Variants in STRN observed in about 807,000 individuals in gnomAD.
STRN encodes the protein striatin, also known as protein phosphatase 2 regulatory subunit B'''alpha.
In STRN, 53 loss-of-function variants were observed where a neutral mutation model predicts 96.3. That is an observed-to-expected ratio of 0.55 (90% confidence interval 0.44 to 0.69). STRN has a LOEUF of 0.69. Among genes scored for constraint, STRN ranks in the 30% least tolerant of loss-of-function variants. The pLI is 0.00. For synonymous variants in STRN, 428 were observed against 355.9 expected, an observed-to-expected ratio of 1.20 and a Z score of -2.28; for missense variants, 987 against 963.9, an observed-to-expected ratio of 1.02 and a Z score of -0.32.
In STRN at chr2:36,867,983, G is replaced by A. The variant is rs73924923; in HGVS notation, c.1500-122C>T. The A allele has an allele frequency of 1.6e-3, 942 of 589,282 alleles. 7 individuals are homozygous for A. In the African/African-American group the frequency reaches 0.017, roughly 10 times the overall value. The allele number at this position is 589,282 out of a possible 1,614,324, so 36.5% of individuals were successfully genotyped here. A position where few individuals can be genotyped will look rare whatever the true frequency, so the allele number is the denominator to read the frequency against. On this transcript the variant is annotated intron_variant, in intron 11 of 17. Transcript: ENST00000263918. Reference sequence around the variant, plus strand: ...GGGAATATACCATTCTCAACTACACGATACGTAAGAAAGCTTACTTAACAC... The same window carrying A: ...GGGAATATACCATTCTCAACTACACAATACGTAAGAAAGCTTACTTAACAC...
intron 1 of STRN, among the ~76,000 whole-genome samples, chr2:36,944,159 T>C (rs1670920149): frequency 6.6e-6 from 1 of 152,098 alleles, no homozygotes; most frequent in Non-Finnish European, 1.5e-5. Flanking sequence ...AAAACATATA[T>C]ATACACACTA....
chr2:36,937,600 T>G (rs11686605), intron 1 of STRN, among the ~76,000 whole-genome samples: 4,516 of 151,398 alleles, frequency 0.03, 104 homozygotes, highest in East Asian at 0.13. Context: ...CTTGAGCCAG[T>G]GAGGTTGAGG....
Position 36,846,414 on chromosome 2 carries a change from T to C in STRN, c.*3042A>G, listed in dbSNP as rs1260412114. The stretch of plus-strand genomic sequence containing the variant: ...ATATATATATATATATATATATATA[T>C]ATATATATATATATAGTTTATATAT... On this transcript the variant is annotated 3_prime_UTR_variant, in exon 18 of 18. Coordinates refer to ENST00000263918, the MANE Select transcript of STRN (RefSeq NM_003162.4). The C allele has an allele frequency of 7.8e-6, 1 of 128,030 alleles. No homozygotes were observed. Among genetic ancestry groups the C allele is most frequent in the African/African-American group, 2.9e-5 (1 of 34,516 alleles). The allele number at this position is 128,030 out of a possible 1,614,324, so 7.9% of individuals were successfully genotyped here. A position where few individuals can be genotyped will look rare whatever the true frequency, so the allele number is the denominator to read the frequency against.
rs537757935 is a variant in STRN, at chr2:36,950,248, C to T, written c.234+15982G>A. Among the ~76,000 whole-genome samples the T allele has an allele frequency of 6.0e-5, 8 of 133,770 alleles. No individual in the cohort carries two copies. In the South Asian group the frequency reaches 1.0e-3, roughly 17 times the overall value. 87.8% of individuals were successfully genotyped at this position (133,770 alleles called of 152,430 possible). On this transcript the variant is annotated intron_variant, in intron 1 of 17. Coordinates refer to ENST00000263918, the MANE Select transcript of STRN (RefSeq NM_003162.4). ...TTTTTTTTTTTGAGACTGAGTCTCA[C>T]TCTATCACCCAGACTGGAGTGCAGT...
At chr2:36,959,786 A>C (rs1664983862) in intron 1 of STRN, among the ~76,000 whole-genome samples, 2 of 152,204 alleles carry the variant, frequency 1.3e-5, no homozygotes, top group African/African-American at 4.8e-5. Flanking sequence ...GAAAAAAACA[A>C]CTAAAGCAGT....
Position 36,879,184 on chromosome 2 carries a change from C to T in STRN, c.1187-1157G>A, listed in dbSNP as rs374552990. On this transcript the variant is annotated intron_variant, in intron 9 of 17. Coordinates refer to ENST00000263918, the MANE Select transcript of STRN (RefSeq NM_003162.4). Reference sequence around the variant, plus strand: ...CTCCTGGGTTCAAGCAATTCTCCTGCCTCAGCCTCCCAAGTAGCTGGGATT... The same window carrying T: ...CTCCTGGGTTCAAGCAATTCTCCTGTCTCAGCCTCCCAAGTAGCTGGGATT... Among the ~76,000 whole-genome samples, 142 of 152,168 alleles carry T rather than the reference C, an allele frequency of 9.3e-4. 2 individuals carry two copies. In the East Asian group the frequency reaches 0.023, roughly 24 times the overall value.
intron 10 of STRN, among the ~76,000 whole-genome samples, chr2:36,871,321 C>G (rs971127887): frequency 4.5e-4 from 68 of 152,168 alleles, no homozygotes; most frequent in African/African-American, 1.6e-3. Context: ...GATAAGTGTC[C>G]TATACAGGTG....
rs1172745436 is a variant in STRN, at chr2:36,894,022, T to C, written c.807A>G (p.Lys269=). The C allele has an allele frequency of 1.2e-6, 2 of 1,611,598 alleles. No homozygotes were observed. Among genetic ancestry groups the C allele is most frequent in the Admixed American group, 1.7e-5 (1 of 59,466 alleles). The change falls in exon 7 of 18, where the codon AAA becomes AAG. Residue 269 remains lysine, a synonymous_variant. Coordinates refer to ENST00000263918, the MANE Select transcript of STRN (RefSeq NM_003162.4). ...SVIDTSTIVR[K]KALPDSGEDR... ...CTTCACCGCTGTCAGGCAATGCTTT[T>C]TTCCTAACAATCTAATGAAAAAACA...
intron 4 of STRN, chr2:36,903,030 G>A: frequency 5.1e-6 from 1 of 197,424 alleles, no homozygotes; most frequent in Non-Finnish European, 1.0e-5. Flanking sequence ...ATATCTAATA[G>A]CACATTCTTT....
intron 1 of STRN, among the ~76,000 whole-genome samples, chr2:36,934,109 G>C (rs1400065379): frequency 6.6e-6 from 1 of 151,478 alleles, no homozygotes; most frequent in Non-Finnish European, 1.5e-5. Context: ...ACTCCGTCTC[G>C]AAAGAAAAAA....
rs1667959690 is a variant in STRN, at chr2:36,841,834, A to T, written c.*7622T>A. 6.6e-6 allele frequency: 1 copy of T among 152,258 alleles called. No individual in the cohort carries two copies. The highest frequency in any genetic ancestry group is 1.5e-5 in the Non-Finnish European group (1 of 68,036). 9.4% of individuals were successfully genotyped at this position (152,258 alleles called of 1,614,324 possible). On this transcript the variant is annotated 3_prime_UTR_variant, in exon 18 of 18. Coordinates refer to ENST00000263918, the MANE Select transcript of STRN (RefSeq NM_003162.4). ...ATTTAGATAACAAGGACCAATGACA[A>T]GCCAGAATTGGAACCATTCATTCTT...
intron 2 of STRN, among the ~76,000 whole-genome samples, chr2:36,922,313 G>A (rs998375218): frequency 2.6e-5 from 4 of 151,888 alleles, no homozygotes. Context: ...GAGCCCAGGA[G>A]GTCCAGACCA....
chr2:36,961,265 T>C (rs1026752910), intron 1 of STRN, among the ~76,000 whole-genome samples: 2 of 151,074 alleles, frequency 1.3e-5, no homozygotes, highest in African/African-American at 4.9e-5. Context: ...TAGCTGGGAC[T>C]AACCCGGCTA....
chr2:36,903,644 A>T (rs1669746218), intron 4 of STRN, among the ~76,000 whole-genome samples: 2 of 152,208 alleles, frequency 1.3e-5, no homozygotes, highest in Non-Finnish European at 2.9e-5. Flanking sequence ...TGACGAGATA[A>T]CCAGTTTAAG....
intron 12 of STRN, among the ~76,000 whole-genome samples, chr2:36,862,120 G>C (rs1668503259): frequency 6.6e-6 from 1 of 152,190 alleles, no homozygotes; most frequent in Non-Finnish European, 1.5e-5. Context: ...TGGGTGCATA[G>C]TATTCCACGG....
At chr2:36,940,493 G>A (rs1280859715) in intron 1 of STRN, among the ~76,000 whole-genome samples, 1 of 152,030 alleles carries the variant, frequency 6.6e-6, no homozygotes, top group East Asian at 1.9e-4. Context: ...TATTCCTCTT[G>A]AAACTTTTCT....
At chr2:36,956,383 GA>G (rs1664888052) in intron 1 of STRN, among the ~76,000 whole-genome samples, 1 of 152,128 alleles carries the variant, frequency 6.6e-6, no homozygotes, top group Non-Finnish European at 1.5e-5. Context: ...ATTGTAAAAT[GA>G]AAGTGATAGA....
intron 2 of STRN, among the ~76,000 whole-genome samples, chr2:36,920,199 T>C (rs1373625203): frequency 6.6e-6 from 1 of 152,212 alleles, no homozygotes; most frequent in Non-Finnish European, 1.5e-5. Context: ...TCTCTATGAG[T>C]ATATTTCAAA....
At chr2:36,947,996 A>G (rs1310173538) in intron 1 of STRN, among the ~76,000 whole-genome samples, 1 of 151,532 alleles carries the variant, frequency 6.6e-6, no homozygotes, top group African/African-American at 2.4e-5. Context: ...TAATTATTAA[A>G]TCAAAAACAA....
Sources: gnomAD v4.1 joint callset for allele counts (sites outside exome capture counted in the v4.1 genomes callset) on GRCh38, gnomAD v4.1.1 for gene constraint, MANE v1.5 for transcripts, NCBI Gene and HGNC (gene_info 2026-07-23, HGNC 2026-07-21) for gene names.